The following DYNC1I1 variants were observed in gnomAD, a reference collection of about 807,000 sequenced individuals.
DYNC1I1 encodes the protein dynein cytoplasmic 1 intermediate chain 1, also known as cytoplasmic dynein 1 intermediate chain 1.
A neutral mutation model predicts 86.6 loss-of-function variants in DYNC1I1; 43 were observed. The ratio of observed to expected loss-of-function variants is 0.50; its 90% CI spans 0.39 to 0.64. DYNC1I1 has a LOEUF of 0.64. DYNC1I1 is among the 30% of genes least tolerant of loss of function. The pLI is 0.00. For synonymous variants in DYNC1I1, 262 were observed against 283.7 expected (o/e 0.92, Z 0.77); for missense variants, 604 against 788.8 (o/e 0.77, Z 2.81).
chr7:96,086,991 CAGT>C (rs1790700776), intron 16 of DYNC1I1, among the ~76,000 whole-genome samples: 1 of 152,048 alleles, frequency 6.6e-6, no homozygotes, highest in Admixed American at 6.5e-5. Flanking sequence ...ATGCTTTCAA[CAGT>C]AGTTTGATGT....
intron 16 of DYNC1I1, among the ~76,000 whole-genome samples, chr7:96,084,667 C>T (rs1790626861): frequency 6.6e-6 from 1 of 152,180 alleles, no homozygotes; most frequent in East Asian, 1.9e-4. Context: ...AGGTGATCCA[C>T]TCGCCTCGGC....
chr7:95,971,387 T>G (rs1187914081), intron 6 of DYNC1I1, among the ~76,000 whole-genome samples: 2 of 152,168 alleles, frequency 1.3e-5, no homozygotes, highest in Non-Finnish European at 2.9e-5. Context: ...TATTAAAAAT[T>G]TAAAAATATG....
chr7:96,001,657 GCAGATGGC>G (rs1447467363), intron 10 of DYNC1I1, among the ~76,000 whole-genome samples: 3 of 152,190 alleles, frequency 2.0e-5, no homozygotes, highest in African/African-American at 7.2e-5. Context: ...TTCTTGGCTT[GCAGATGGC>G]CACTGTCTTG....
Position 96,076,267 on chromosome 7 carries a change from C to G in DYNC1I1, c.1650+70C>G, listed in dbSNP as rs993779636. ...GCGCAGTCGGCCACTCGCAGTCTCT[C>G]CCTCTTTCTCCAAAACGGCCTTTTT... On this transcript the variant is annotated intron_variant, in intron 15 of 16. Transcript: ENST00000447467. 17 of 1,569,070 alleles carry G rather than the reference C, an allele frequency of 1.1e-5. No homozygotes were observed. The African/African-American group carries it at 2.2e-4, about 20-fold the overall frequency.
chr7:95,813,093 CT>C (rs11452827), intron 3 of DYNC1I1, 153 bp from the exon 4 acceptor site: 139,498 of 1,095,406 alleles, frequency 0.13, 1,148 homozygotes, highest in South Asian at 0.16. Context: ...CTTTTCTTTC[CT>C]TTTTTTTTTT....
intron 9 of DYNC1I1, among the ~76,000 whole-genome samples, chr7:95,990,857 C>T (rs543637494): frequency 1.8e-3 from 274 of 152,090 alleles, no homozygotes; most frequent in Non-Finnish European, 2.9e-3. Flanking sequence ...TGGCAAAACC[C>T]CATCTCTACA....
At chr7:95,818,630 C>CCA in intron 4 of DYNC1I1, 1 of 516,084 alleles carries the variant, frequency 1.9e-6, no homozygotes, top group South Asian at 3.3e-5. Flanking sequence ...ACAGGCAGGA[C>CCA]CCATTGTGCC....
chr7:95,839,775 C>T (rs1789228327), intron 5 of DYNC1I1, among the ~76,000 whole-genome samples: 1 of 151,710 alleles, frequency 6.6e-6, no homozygotes, highest in Non-Finnish European at 1.5e-5. Context: ...CCTCTCTTAG[C>T]TTTTGTTTGT....
At position 96,013,086 on chromosome 7, in the gene DYNC1I1, T is replaced by A. The variant is rs768910858; in HGVS notation, c.970-15089T>A. Among the ~76,000 whole-genome samples the A allele has an allele frequency of 2.3e-4, 35 of 152,044 alleles. 1 individual carries two copies. The highest frequency in any genetic ancestry group is 3.2e-3 in the Middle Eastern group (1 of 316). Reference sequence around the variant, plus strand: ...TGAGGATCTTGAAATGGGGAGGTTATCCTGGATTATGTGGGTCGGCCCAGT... The same window carrying A: ...TGAGGATCTTGAAATGGGGAGGTTAACCTGGATTATGTGGGTCGGCCCAGT... On this transcript the variant is annotated intron_variant, in intron 10 of 16. Transcript: ENST00000447467.
intron 16 of DYNC1I1, among the ~76,000 whole-genome samples, chr7:96,109,407 A>AC (rs1469305686): frequency 7.6e-6 from 1 of 131,482 alleles, no homozygotes; most frequent in African/African-American, 2.9e-5. Flanking sequence ...GCTTTTCATT[A>AC]TTTTTTATCT....
At chr7:95,784,537 T>C (rs751255695) in intron 1 of DYNC1I1, among the ~76,000 whole-genome samples, 4 of 152,086 alleles carry the variant, frequency 2.6e-5, no homozygotes, top group Non-Finnish European at 4.4e-5. Context: ...CAACTTGAGG[T>C]GATGCTGCAG....
intron 6 of DYNC1I1, among the ~76,000 whole-genome samples, chr7:95,955,269 T>G (rs1354308415): frequency 3.9e-5 from 6 of 152,134 alleles, no homozygotes; most frequent in African/African-American, 1.4e-4. Flanking sequence ...CATTTTTCCA[T>G]TAAAAAATAA....
intron 2 of DYNC1I1, among the ~76,000 whole-genome samples, chr7:95,807,278 A>G (rs1794722517): frequency 6.6e-6 from 1 of 152,096 alleles, no homozygotes; most frequent in East Asian, 1.9e-4. Flanking sequence ...GAAGTCATCT[A>G]TTCTGATCCT....
chr7:96,106,567 C>T (rs1157101297), intron 16 of DYNC1I1, among the ~76,000 whole-genome samples: 2 of 151,846 alleles, frequency 1.3e-5, no homozygotes, highest in East Asian at 1.9e-4. Context: ...GAGAGAAATC[C>T]CTCTTAGTAC....
chr7:96,026,872 A>G (rs780347877), intron 10 of DYNC1I1, among the ~76,000 whole-genome samples: 7 of 151,712 alleles, frequency 4.6e-5, no homozygotes, highest in Non-Finnish European at 1.0e-4. Flanking sequence ...TATCCCCCTC[A>G]CACACAGAGA....
chr7:95,952,374 G>A (rs1214329685), intron 6 of DYNC1I1, among the ~76,000 whole-genome samples: 1 of 152,062 alleles, frequency 6.6e-6, no homozygotes, highest in East Asian at 1.9e-4. Flanking sequence ...CTTCACTAAT[G>A]GCAAAGAGTG....
chr7:96,049,257 CAAAA>C (rs200677000), intron 14 of DYNC1I1, among the ~76,000 whole-genome samples: 1 of 76,028 alleles, frequency 1.3e-5, no homozygotes, highest in Non-Finnish European at 2.7e-5. Context: ...GACTCCATCT[CAAAA>C]AAAAAAAAAA....
intron 6 of DYNC1I1, among the ~76,000 whole-genome samples, chr7:95,936,502 C>T (rs1792043917): frequency 6.6e-6 from 1 of 151,122 alleles, no homozygotes; most frequent in Non-Finnish European, 1.5e-5. Flanking sequence ...TTAGGTGAAA[C>T]AAGGTGTGTT....
rs1312505032 is a variant in DYNC1I1, at chr7:96,035,630, G to A, written c.1242G>A (p.Glu414=). The A allele has an allele frequency of 6.3e-7, 1 of 1,596,820 alleles. No individual in the cohort carries two copies. The highest frequency in any genetic ancestry group is 8.5e-7 in the Non-Finnish European group (1 of 1,173,614). The change falls in exon 13 of 17, where the codon GAG becomes GAA. Residue 414 remains glutamate (E), a synonymous_variant. Coordinates refer to ENST00000447467, the MANE Select transcript of DYNC1I1 (RefSeq NM_001135556.2). ...DMLSTPQESM[E]LVYNKSKPVA... ...CCGTGTTTTGGTAGGAGAGCATGGA[G>A]CTGGTGTACAATAAGTCCAAGCCTG...
Sources: gnomAD v4.1 joint callset for allele counts (sites outside exome capture counted in the v4.1 genomes callset) on GRCh38, gnomAD v4.1.1 for gene constraint, MANE v1.5 for transcripts, NCBI Gene and HGNC (gene_info 2026-07-23, HGNC 2026-07-21) for gene names.